The following ZBED4 variants were observed in gnomAD, a reference collection of about 807,000 sequenced individuals.
ZBED4 encodes zinc finger BED-type containing 4, also known as zinc finger BED domain-containing protein 4.
Under a neutral mutation model 15.5 loss-of-function variants are expected in ZBED4, and 4 were observed. The ratio of observed to expected loss-of-function variants is 0.26; its 90% CI spans 0.13 to 0.59. ZBED4 has a LOEUF of 0.59. ZBED4 is among the 20% of genes least tolerant of loss of function. The pLI, the probability that ZBED4 is intolerant of heterozygous loss-of-function variation, is 0.90. For missense variants in ZBED4, 1,323 were observed against 1,461.8 expected (o/e 0.91, Z 1.55); for synonymous variants, 692 against 608.5 (o/e 1.14, Z -2.02).
rs2060439210 is a variant in ZBED4 at position 49,886,403 on chromosome 22, T to C, written c.2741T>C (p.Val914Ala). 2 of 1,605,758 alleles carry C rather than the reference T, an allele frequency of 1.2e-6. No individual in the cohort carries two copies. The highest frequency in any genetic ancestry group is 1.7e-5 in the Admixed American group (1 of 59,456). The change falls in exon 2 of 2, where the codon GTC becomes GCC. Residue 914 changes from valine (V) to alanine (A), a missense_variant. Val to Ala is a moderately conservative substitution (Grantham distance 64). Transcript: ENST00000216268. This position sits in a 1 kb window ranked among gnomAD's most constrained non-coding sequence, Gnocchi z 7.7. ...EQKRAINEMSVECNFRELISC... is the reference protein window; with the variant it reads ...EQKRAINEMSAECNFRELISC... ...AAAAGGGCCATTAACGAGATGTCCG[T>C]CGAGTGTAACTTCCGAGAGCTGATC... is the stretch of plus-strand genomic sequence containing the variant.
At chr22:49,859,534 C>G (rs975336357) in intron 1 of ZBED4, among the ~76,000 whole-genome samples, 2 of 152,134 alleles carry the variant, frequency 1.3e-5, no homozygotes, top group Non-Finnish European at 2.9e-5. Flanking sequence ...GCGTCAGCTG[C>G]TTCTCCACAG....
At chr22:49,878,154 A>C (rs1356901972) in intron 1 of ZBED4, among the ~76,000 whole-genome samples, 5 of 152,058 alleles carry the variant, frequency 3.3e-5, no homozygotes, top group African/African-American at 4.8e-5. Flanking sequence ...AAAATACAAA[A>C]ATTAGCCAGA....
chr22:49,872,642 G>T (rs562778476), intron 1 of ZBED4, among the ~76,000 whole-genome samples: 1 of 151,990 alleles, frequency 6.6e-6, no homozygotes, highest in South Asian at 2.1e-4. Flanking sequence ...CGAACCTCCC[G>T]TCTCAGCCTG....
chr22:49,871,799 G>T (rs2060349623), intron 1 of ZBED4, among the ~76,000 whole-genome samples: 1 of 150,582 alleles, frequency 6.6e-6, no homozygotes, highest in African/African-American at 2.4e-5. Context: ...CTGTCGCCCA[G>T]GGTGGAGTGC....
intron 1 of ZBED4, among the ~76,000 whole-genome samples, chr22:49,869,967 TCCTC>T (rs1345221751): frequency 1.3e-5 from 2 of 152,102 alleles, no homozygotes; most frequent in Non-Finnish European, 1.5e-5. Context: ...CCTCCTCCCT[TCCTC>T]CCTCCCTCAC....
chr22:49,877,230 T>C (rs886633345), intron 1 of ZBED4, among the ~76,000 whole-genome samples: 1 of 146,878 alleles, frequency 6.8e-6, no homozygotes. Flanking sequence ...ATTCTGACAA[T>C]CCCTGTCTGT....
At chr22:49,856,799 G>C (rs4058461) in intron 1 of ZBED4, among the ~76,000 whole-genome samples, 1 of 146,212 alleles carries the variant, frequency 6.8e-6, no homozygotes, top group Admixed American at 6.9e-5. Context: ...CCCACCCCTC[G>C]TTCTAGGTGA....
rs2060422278 is a variant in ZBED4, at chr22:49,883,869, G to A, written c.207G>A (p.Lys69=). Residue 69 remains lysine, a synonymous_variant, in exon 2 of 2, where the codon AAG becomes AAA. Transcript: ENST00000216268. ...TCGGTGGGACGGGTTGCAGCTGCAA[G>A]CCCCCGGGGAAGTACTTGTCTGCAG... ...AGLGGTGCSC[K]PPGKYLSAES... The A allele has an allele frequency of 6.2e-7, 1 of 1,606,730 alleles. No individual in the cohort carries two copies. Among genetic ancestry groups the A allele is most frequent in the Admixed American group, 1.7e-5 (1 of 59,472 alleles).
In ZBED4 at chr22:49,884,280, C is replaced by G. The variant is rs1364288914; in HGVS notation, c.618C>G (p.Ile206Met). ...AGDLSTILSP[I>M]KLVQKVASKI... is the part of the protein sequence containing the mutation. ...ACCTCAGCACCATCCTCTCACCCAT[C>G]AAACTTGTCCAGAAAGTGGCGTCTA... The change falls in exon 2 of 2, where the codon ATC becomes ATG. Residue 206 changes from isoleucine (I) to methionine (M), a missense_variant. Transcript: ENST00000216268. 2.5e-6 allele frequency: 4 copies of G among 1,611,932 alleles called. No homozygotes were observed. Among genetic ancestry groups the G allele is most frequent in the African/African-American group, 1.3e-5 (1 of 74,906 alleles).
At chr22:49,860,605 C>T (rs1381974545) in intron 1 of ZBED4, among the ~76,000 whole-genome samples, 1 of 151,294 alleles carries the variant, frequency 6.6e-6, no homozygotes, top group Non-Finnish European at 1.5e-5. Flanking sequence ...ATTTATTTTT[C>T]CCAAGAAAGA....
chr22:49,883,309 C>T (rs1265483648), intron 1 of ZBED4, 25 bp from the exon 2 acceptor site: 1 of 170,536 alleles, frequency 5.9e-6, no homozygotes, highest in African/African-American at 2.4e-5. Context: ...TAGTTCCATG[C>T]TTAATTTGAT....
At chr22:49,874,295 G>A (rs2060364010) in intron 1 of ZBED4, among the ~76,000 whole-genome samples, 2 of 152,128 alleles carry the variant, frequency 1.3e-5, no homozygotes, top group Admixed American at 6.5e-5. Context: ...CAGAGTTTTT[G>A]CTGTGAATAG....
chr22:49,876,774 A>C (rs2060378328), intron 1 of ZBED4, among the ~76,000 whole-genome samples: 1 of 152,160 alleles, frequency 6.6e-6, no homozygotes, highest in African/African-American at 2.4e-5. Context: ...TTTGGAAACA[A>C]AAGACCTCGT....
At chr22:49,880,424 A>G in intron 1 of ZBED4, among the ~76,000 whole-genome samples, 1 of 152,190 alleles carries the variant, frequency 6.6e-6, no homozygotes, top group South Asian at 2.1e-4. Context: ...GCTCGAGACC[A>G]CCGGGCTCTG....
Position 49,887,213 on chromosome 22 carries a change from C to A in ZBED4, c.*35C>A. 1 of 1,571,702 alleles carries A rather than the reference C, an allele frequency of 6.4e-7. No homozygotes were observed. Among genetic ancestry groups the A allele is most frequent in the Non-Finnish European group, 8.6e-7 (1 of 1,158,032 alleles). On this transcript the variant is annotated 3_prime_UTR_variant, in exon 2 of 2. Transcript: ENST00000216268. ...CGGCACCACTAGGCCAGAGGCGTGG[C>A]TGCCCCAGCGTTAGCAGCCTGTACC...
chr22:49,865,423 C>T (rs1046486638), intron 1 of ZBED4, among the ~76,000 whole-genome samples: 2 of 151,710 alleles, frequency 1.3e-5, no homozygotes, highest in South Asian at 2.1e-4. Context: ...CTAAGGCGGG[C>T]GGAACTCCTG....
intron 1 of ZBED4, among the ~76,000 whole-genome samples, chr22:49,871,493 A>G (rs1411576251): frequency 6.6e-6 from 1 of 152,052 alleles, no homozygotes; most frequent in Non-Finnish European, 1.5e-5. Flanking sequence ...AAAAATAAAA[A>G]AAAAGTTACA....
intron 1 of ZBED4, among the ~76,000 whole-genome samples, chr22:49,875,207 A>G (rs1054913924): frequency 1.3e-5 from 2 of 148,192 alleles, no homozygotes; most frequent in Non-Finnish European, 3.0e-5. Context: ...TTCTTCCTTT[A>G]TTTTCTGGAA....
intron 1 of ZBED4, among the ~76,000 whole-genome samples, chr22:49,874,116 G>C (rs1273635025): frequency 6.6e-6 from 1 of 152,186 alleles, no homozygotes; most frequent in Admixed American, 6.5e-5. Context: ...AGGCAGTTCT[G>C]ATTTTCTCTG....
Sources: gnomAD v4.1 joint callset for allele counts (sites outside exome capture counted in the v4.1 genomes callset) on GRCh38, gnomAD v4.1.1 for gene constraint, Gnocchi (gnomAD v3.1) non-coding constraint, MANE v1.5 for transcripts, NCBI Gene and HGNC (gene_info 2026-07-23, HGNC 2026-07-21) for gene names.